CSNK2A2IP: variants seen among roughly 807,000 people sequenced by gnomAD.
The protein encoded by CSNK2A2IP is casein kinase II subunit alpha'-interacting protein.
the CSNK2A2IP span, among the ~76,000 whole-genome samples, chr3:88,452,576 T>A: frequency 6.6e-6 from 1 of 152,228 alleles, no homozygotes; most frequent in African/African-American, 2.4e-5. Flanking sequence ...TTCTTCAAGT[T>A]CACTACAGTA....
chr3:88,455,501 T>C, the CSNK2A2IP span, among the ~76,000 whole-genome samples: 1 of 151,988 alleles, frequency 6.6e-6, no homozygotes, highest in Non-Finnish European at 1.5e-5. Context: ...TATATGTATA[T>C]TTTCTTTTGA....
At chr3:88,457,214 TTTAAAG>T in the CSNK2A2IP span, among the ~76,000 whole-genome samples, 1 of 152,164 alleles carries the variant, frequency 6.6e-6, no homozygotes, top group Admixed American at 6.5e-5. Flanking sequence ...CTTTGACACT[TTTAAAG>T]AGTACTGTTA....
At chr3:88,400,255 C>T in the CSNK2A2IP span, among the ~76,000 whole-genome samples, 1 of 152,006 alleles carries the variant, frequency 6.6e-6, no homozygotes, top group African/African-American at 2.4e-5. Context: ...GAATTGACTC[C>T]CTGCCAGTAA....
the CSNK2A2IP span, among the ~76,000 whole-genome samples, chr3:88,363,397 G>A: frequency 6.6e-6 from 1 of 151,988 alleles, no homozygotes; most frequent in African/African-American, 2.4e-5. Context: ...TTAGATTTGG[G>A]CCTTTAAAAA....
At chr3:88,421,148 T>TA in the CSNK2A2IP span, among the ~76,000 whole-genome samples, 3 of 152,156 alleles carry the variant, frequency 2.0e-5, no homozygotes, top group South Asian at 2.1e-4. Flanking sequence ...TAACATTCTT[T>TA]AAAAAACCCT....
At chr3:88,353,901 C>T in the CSNK2A2IP span, among the ~76,000 whole-genome samples, 1 of 152,090 alleles carries the variant, frequency 6.6e-6, no homozygotes, top group Non-Finnish European at 1.5e-5. Context: ...CCCTCCAACT[C>T]TTATGTTAAA....
the CSNK2A2IP span, among the ~76,000 whole-genome samples, chr3:88,438,861 T>G: frequency 1.3e-5 from 2 of 152,286 alleles, no homozygotes; most frequent in South Asian, 4.1e-4. Context: ...GTGAACCTTA[T>G]GATGGGTGGG....
At chr3:88,446,947 A>G in the CSNK2A2IP span, among the ~76,000 whole-genome samples, 1 of 152,086 alleles carries the variant, frequency 6.6e-6, no homozygotes, top group Non-Finnish European at 1.5e-5. Context: ...CTTTATTAGA[A>G]CTCCTGTATA....
chr3:88,421,320 A>G, the CSNK2A2IP span, among the ~76,000 whole-genome samples: 2 of 152,168 alleles, frequency 1.3e-5, no homozygotes, highest in Non-Finnish European at 2.9e-5. Context: ...TAGTTCCCCC[A>G]TAACTCCACA....
the CSNK2A2IP span, among the ~76,000 whole-genome samples, chr3:88,341,938 G>T: frequency 6.6e-6 from 1 of 151,866 alleles, no homozygotes; most frequent in African/African-American, 2.4e-5. Flanking sequence ...ATAAGCAGAG[G>T]ATTATAGAAA....
the CSNK2A2IP span, among the ~76,000 whole-genome samples, chr3:88,397,292 CTT>C: frequency 6.6e-6 from 1 of 152,182 alleles, no homozygotes; most frequent in Non-Finnish European, 1.5e-5. Context: ...TGCATCTTGT[CTT>C]TTCCTCCTGA....
the CSNK2A2IP span, among the ~76,000 whole-genome samples, chr3:88,418,753 A>T: frequency 3.3e-5 from 5 of 152,154 alleles, no homozygotes; most frequent in Admixed American, 1.3e-4. Flanking sequence ...TTCATCATCC[A>T]GTTAATGAAC....
chr3:88,434,289 T>G, the CSNK2A2IP span, among the ~76,000 whole-genome samples: 1 of 152,092 alleles, frequency 6.6e-6, no homozygotes. Context: ...TTATGGTGTA[T>G]TAGTATTTTT....
chr3:88,364,063 C>T, the CSNK2A2IP span, among the ~76,000 whole-genome samples: 3 of 152,164 alleles, frequency 2.0e-5, no homozygotes, highest in African/African-American at 7.2e-5. Flanking sequence ...AGCCTGTCTT[C>T]CCTGCACTCT....
chr3:88,396,721 C>G, the CSNK2A2IP span, among the ~76,000 whole-genome samples: 2 of 152,132 alleles, frequency 1.3e-5, no homozygotes, highest in Non-Finnish European at 2.9e-5. Context: ...AATCTCTATT[C>G]TAAATGGCTT....
the CSNK2A2IP span, among the ~76,000 whole-genome samples, chr3:88,458,450 C>A: frequency 6.6e-6 from 1 of 152,024 alleles, no homozygotes. Flanking sequence ...CATGCCCAGC[C>A]CTCTTTGTTT....
chr3:88,415,841 G>T, the CSNK2A2IP span, among the ~76,000 whole-genome samples: 1 of 151,906 alleles, frequency 6.6e-6, no homozygotes, highest in South Asian at 2.1e-4. Context: ...GAATCATTTT[G>T]GCAGTGTGAC....
chr3:88,407,619 T>G, the CSNK2A2IP span, among the ~76,000 whole-genome samples: 1 of 152,216 alleles, frequency 6.6e-6, no homozygotes, highest in Non-Finnish European at 1.5e-5. Context: ...CATTTTACTT[T>G]TTTAAATGGC....
chr3:88,411,926 T>G, the CSNK2A2IP span, among the ~76,000 whole-genome samples: 1 of 151,710 alleles, frequency 6.6e-6, no homozygotes, highest in Non-Finnish European at 1.5e-5. Flanking sequence ...CACCTGTTTC[T>G]CTTTACTTTT....
Sources: allele counts gnomAD v4.1 joint callset (sites outside exome capture counted in the v4.1 genomes callset), GRCh38; gene constraint gnomAD v4.1.1; transcripts MANE v1.5; gene names NCBI Gene and HGNC (gene_info 2026-07-23, HGNC 2026-07-21).